Variants in HADH observed in about 807,000 individuals in gnomAD.
The protein encoded by HADH is hydroxyacyl-CoA dehydrogenase, also known as hydroxyacyl-coenzyme A dehydrogenase, mitochondrial.
In HADH, 24 loss-of-function variants were observed where a neutral mutation model predicts 32.2. The observed-to-expected ratio is 0.75, with a 90% confidence interval of 0.54 to 1.05. The LOEUF is 1.05. Among genes scored for constraint, HADH ranks in the 50% least tolerant of loss-of-function variants. The pLI is 0.00. For synonymous variants in HADH, 139 were observed against 152.5 expected, an observed-to-expected ratio of 0.91 and a Z score of 0.65; for missense variants, 350 against 397.1, an observed-to-expected ratio of 0.88 and a Z score of 1.01.
chr4:108,032,230 G>T, intron 6 of HADH: 1 of 677,464 alleles, frequency 1.5e-6, no homozygotes, highest in South Asian at 2.3e-5. Context: ...CAAAGAAAGG[G>T]AACAGATTGT....
At chr4:108,032,357 G>A (rs755487055) in intron 6 of HADH, 392 of 1,601,118 alleles carry the variant, frequency 2.4e-4, no homozygotes, top group Non-Finnish European at 3.3e-4. Flanking sequence ...TCTAACTCGG[G>A]TTTGGGCTTT....
At chr4:108,027,353 G>A in intron 5 of HADH, 1 of 404,388 alleles carries the variant, frequency 2.5e-6, no homozygotes, top group South Asian at 2.2e-5. Flanking sequence ...CAGATTCAGA[G>A]TGACAGAAGG....
chr4:108,017,278 C>A (rs1447303715), intron 3 of HADH, among the ~76,000 whole-genome samples: 2 of 152,180 alleles, frequency 1.3e-5, no homozygotes, highest in Non-Finnish European at 2.9e-5. Context: ...CTAAGACACA[C>A]AAATGAAAAG....
At chr4:108,019,058 C>G (rs1735793967) in intron 3 of HADH, among the ~76,000 whole-genome samples, 1 of 152,094 alleles carries the variant, frequency 6.6e-6, no homozygotes, top group Admixed American at 6.5e-5. Flanking sequence ...GGGAAAATAT[C>G]TTAATTCACG....
At chr4:108,022,181 GTGTGTGTATGTGTGTGTGTA>G (rs1560735204) in intron 4 of HADH, among the ~76,000 whole-genome samples, 3 of 148,400 alleles carry the variant, frequency 2.0e-5, no homozygotes, top group Non-Finnish European at 3.0e-5. Flanking sequence ...GTGTGTGTGT[GTGTGTGTATGTGTGTGTGTA>G]TGTGTGTGTG....
At chr4:108,020,757 G>A (rs1735860583) in intron 4 of HADH, among the ~76,000 whole-genome samples, 1 of 152,168 alleles carries the variant, frequency 6.6e-6, no homozygotes, top group South Asian at 2.1e-4. Context: ...TGCGAAGTGT[G>A]GGGGACGCTG....
At chr4:108,013,334 A>C (rs1361771048) in intron 2 of HADH, among the ~76,000 whole-genome samples, 1 of 152,152 alleles carries the variant, frequency 6.6e-6, no homozygotes, top group East Asian at 1.9e-4. Context: ...TGAGGGTTGG[A>C]GTCTAGGACA....
At chr4:108,027,836 G>A (rs1736117083) in intron 6 of HADH, 76 bp downstream of exon 6, 2 of 872,362 alleles carry the variant, frequency 2.3e-6, no homozygotes, top group Admixed American at 3.4e-5. Flanking sequence ...AGTGTCTCTA[G>A]GAGGGGTCGG....
chr4:108,006,040 C>A (rs955435779), intron 1 of HADH, among the ~76,000 whole-genome samples: 12 of 152,172 alleles, frequency 7.9e-5, no homozygotes, highest in Non-Finnish European at 1.6e-4. Context: ...GGGGCTAGAA[C>A]AAACATAGTC....
chr4:108,003,105 C>CTTTTTT (rs11390276), intron 1 of HADH, among the ~76,000 whole-genome samples: 2 of 124,194 alleles, frequency 1.6e-5, no homozygotes, highest in African/African-American at 3.0e-5. Flanking sequence ...GTGTCTTAGT[C>CTTTTTT]TTTTTTTTTT....
chr4:107,994,245 T>C (rs989027607), intron 1 of HADH, among the ~76,000 whole-genome samples: 7 of 152,048 alleles, frequency 4.6e-5, no homozygotes, highest in African/African-American at 1.7e-4. Context: ...TTTTTTTTTT[T>C]CCTCCTTTTT....
At chr4:108,010,173 A>C (rs556020841) in intron 2 of HADH, among the ~76,000 whole-genome samples, 2 of 152,206 alleles carry the variant, frequency 1.3e-5, no homozygotes, top group East Asian at 3.9e-4. Context: ...TTCTAGAAGA[A>C]CATGAGAATT....
At chr4:108,007,470 G>T (rs190154975) in intron 1 of HADH, among the ~76,000 whole-genome samples, 1 of 152,306 alleles carries the variant, frequency 6.6e-6, no homozygotes, top group Admixed American at 6.5e-5. Context: ...AGCCCTTGGA[G>T]ATCTCATAGA....
intron 1 of HADH, among the ~76,000 whole-genome samples, chr4:108,006,188 G>A (rs116320179): frequency 1.3e-5 from 2 of 152,130 alleles, no homozygotes; most frequent in Admixed American, 6.5e-5. Context: ...GGGAGTGTGT[G>A]GGGGAGGAGT....
intron 6 of HADH, chr4:108,031,994 T>C: frequency 8.9e-6 from 2 of 224,260 alleles, no homozygotes; most frequent in Non-Finnish European, 1.7e-5. Flanking sequence ...TAAATAATTG[T>C]GGTGTATTTT....
chr4:107,991,363 AAGT>A (rs1406601572), intron 1 of HADH, among the ~76,000 whole-genome samples: 1 of 152,158 alleles, frequency 6.6e-6, no homozygotes, highest in African/African-American at 2.4e-5. Context: ...GTTTCCAACC[AAGT>A]CCACGCTTTC....
chr4:108,025,054 C>A (rs1357765093), intron 5 of HADH: 1 of 152,118 alleles, frequency 6.6e-6, no homozygotes, highest in African/African-American at 2.4e-5. Flanking sequence ...CTGTAAAGGA[C>A]CAGATAGTGA....
chr4:108,020,978 G>A (rs1401732030), intron 4 of HADH, among the ~76,000 whole-genome samples: 2 of 152,142 alleles, frequency 1.3e-5, no homozygotes, highest in South Asian at 4.1e-4. Context: ...TCTCTCAAGT[G>A]ACAACTTTGA....
chr4:108,018,395 GAA>G (rs1735764121), intron 3 of HADH, among the ~76,000 whole-genome samples: 1 of 152,016 alleles, frequency 6.6e-6, no homozygotes. Flanking sequence ...AAGAAACTTT[GAA>G]AACTGAAATT....
Sources: gnomAD v4.1 joint callset for allele counts (sites outside exome capture counted in the v4.1 genomes callset) on GRCh38, gnomAD v4.1.1 for gene constraint, MANE v1.5 for transcripts, NCBI Gene and HGNC (gene_info 2026-07-23, HGNC 2026-07-21) for gene names.